Variants in CNTNAP2 observed in about 807,000 individuals in gnomAD.
The protein encoded by CNTNAP2 is contactin associated protein 2.
In CNTNAP2, 98 loss-of-function variants were observed where a neutral mutation model predicts 155.2. That is an observed-to-expected ratio of 0.63 (90% CI 0.54 to 0.75). The LOEUF (loss-of-function observed/expected upper bound fraction) is 0.75. Among genes scored for constraint, CNTNAP2 ranks in the 30% least tolerant of loss-of-function variants. CNTNAP2 has a pLI of 0.00. For synonymous variants in CNTNAP2, 651 were observed against 631.2 expected (o/e 1.03, Z -0.47); for missense variants, 1,727 against 1,688.1 (o/e 1.02, Z -0.40).
chr7:148,343,994 A>G (rs1798278192), intron 21 of CNTNAP2, among the ~76,000 whole-genome samples: 1 of 152,218 alleles, frequency 6.6e-6, no homozygotes, highest in East Asian at 1.9e-4. Flanking sequence ...GAGGGCTCCC[A>G]TGACTGGGCT....
intron 10 of CNTNAP2, among the ~76,000 whole-genome samples, chr7:147,404,364 C>A (rs946546692): frequency 2.6e-5 from 4 of 152,142 alleles, no homozygotes; most frequent in Non-Finnish European, 4.4e-5. Flanking sequence ...AAAGCTCTTG[C>A]GTCCTAAAAC....
chr7:146,709,873 G>A (rs1237664918), intron 1 of CNTNAP2, among the ~76,000 whole-genome samples: 1 of 152,188 alleles, frequency 6.6e-6, no homozygotes, highest in Admixed American at 6.6e-5. Context: ...CAGAGTCCAA[G>A]AACTAACATC....
At chr7:148,082,884 G>A (rs1554470483) in intron 15 of CNTNAP2, among the ~76,000 whole-genome samples, 1 of 151,928 alleles carries the variant, frequency 6.6e-6, no homozygotes, top group Non-Finnish European at 1.5e-5. Flanking sequence ...TCACCATGTT[G>A]GCCAGGCTGG....
intron 4 of CNTNAP2, among the ~76,000 whole-genome samples, chr7:147,094,676 G>GATT (rs915021060): frequency 6.6e-6 from 1 of 152,028 alleles, no homozygotes; most frequent in Non-Finnish European, 1.5e-5. Flanking sequence ...AAAGTGCTGG[G>GATT]ATTATTATTA....
At chr7:148,024,313 G>T (rs1435600702) in intron 15 of CNTNAP2, among the ~76,000 whole-genome samples, 1 of 152,024 alleles carries the variant, frequency 6.6e-6, no homozygotes, top group Non-Finnish European at 1.5e-5. Flanking sequence ...CTCCATACCC[G>T]CTAGGCATGT....
At chr7:148,196,029 C>CA (rs1229845792) in intron 18 of CNTNAP2, among the ~76,000 whole-genome samples, 1 of 152,202 alleles carries the variant, frequency 6.6e-6, no homozygotes, top group Non-Finnish European at 1.5e-5. Context: ...CAAATCTAAT[C>CA]AGTTTGGTTT....
chr7:146,258,975 A>G lies in CNTNAP2; in HGVS notation c.97+142002A>G, dbSNP rs370043342. 3.6e-4 allele frequency among the ~76,000 whole-genome samples: 55 copies of G among 152,210 alleles called. No individual in the cohort carries two copies. In the East Asian group the frequency reaches 6.8e-3, roughly 19 times the overall value. ...TTGTAATCGCGAAGTGTTGAGGGAGAGACCTGGTGGGAGGTTATTGGATCT... is the reference window on the plus strand; with the variant it reads ...TTGTAATCGCGAAGTGTTGAGGGAGGGACCTGGTGGGAGGTTATTGGATCT... On this transcript the variant is annotated intron_variant, in intron 1 of 23. Transcript: ENST00000361727.
intron 8 of CNTNAP2, among the ~76,000 whole-genome samples, chr7:147,177,028 TATATA>T (rs1802363270): frequency 7.0e-6 from 1 of 143,760 alleles, no homozygotes; most frequent in African/African-American, 2.5e-5. Context: ...TATATAGAAT[TATATA>T]ATATATAATA....
intron 8 of CNTNAP2, among the ~76,000 whole-genome samples, chr7:147,270,431 A>C (rs1424529841): frequency 6.6e-6 from 1 of 152,222 alleles, no homozygotes; most frequent in Non-Finnish European, 1.5e-5. Context: ...TAGATACGAA[A>C]ATTAAGTCGC....
intron 1 of CNTNAP2, among the ~76,000 whole-genome samples, chr7:146,666,301 A>G (rs1265155629): frequency 1.3e-5 from 2 of 152,148 alleles, no homozygotes; most frequent in South Asian, 2.1e-4. Flanking sequence ...TATTAGTTCT[A>G]TATACGTTGC....
At chr7:147,416,416 G>T (rs1395935314) in intron 10 of CNTNAP2, among the ~76,000 whole-genome samples, 12 of 152,138 alleles carry the variant, frequency 7.9e-5, no homozygotes, top group Non-Finnish European at 1.5e-5. Context: ...AGCCAATAAA[G>T]TTCCTTTTTT....
chr7:146,666,852 G>C (rs1056458857), intron 1 of CNTNAP2, among the ~76,000 whole-genome samples: 1 of 152,034 alleles, frequency 6.6e-6, no homozygotes, highest in African/African-American at 2.4e-5. Context: ...TTGCTGTTTA[G>C]ATGTTTGAGT....
At chr7:147,562,803 T>G (rs1374348323) in intron 12 of CNTNAP2, among the ~76,000 whole-genome samples, 1 of 152,202 alleles carries the variant, frequency 6.6e-6, no homozygotes, top group African/African-American at 2.4e-5. Flanking sequence ...GAAATGAGAT[T>G]ATGGGTTCTT....
At chr7:147,906,483 T>G (rs756807946) in intron 14 of CNTNAP2, among the ~76,000 whole-genome samples, 1 of 150,894 alleles carries the variant, frequency 6.6e-6, no homozygotes, top group Non-Finnish European at 1.5e-5. Context: ...AGATCTTTAT[T>G]TTTTTTATTT....
intron 3 of CNTNAP2, among the ~76,000 whole-genome samples, chr7:146,913,217 T>C (rs898583818): frequency 6.6e-6 from 1 of 152,144 alleles, no homozygotes; most frequent in African/African-American, 2.4e-5. Flanking sequence ...CCCTAGGTAC[T>C]AGTAGTTGGC....
At chr7:146,928,061 C>A (rs764903519) in intron 3 of CNTNAP2, among the ~76,000 whole-genome samples, 1 of 151,638 alleles carries the variant, frequency 6.6e-6, no homozygotes, top group Non-Finnish European at 1.5e-5. Context: ...TACCTGCATT[C>A]TTCACTGCCT....
intron 3 of CNTNAP2, among the ~76,000 whole-genome samples, chr7:146,936,702 C>T (rs1247595141): frequency 6.6e-6 from 1 of 152,162 alleles, no homozygotes; most frequent in Non-Finnish European, 1.5e-5. Flanking sequence ...TGGCAAATCC[C>T]AGCAGCCATA....
chr7:147,184,306 G>A (rs1359586426), intron 8 of CNTNAP2, among the ~76,000 whole-genome samples: 1 of 152,132 alleles, frequency 6.6e-6, no homozygotes, highest in Non-Finnish European at 1.5e-5. Flanking sequence ...GTTTTCCAAT[G>A]CCTGAGGTCT....
At chr7:148,242,936 G>C (rs747410869) in intron 20 of CNTNAP2, among the ~76,000 whole-genome samples, 3 of 152,112 alleles carry the variant, frequency 2.0e-5, no homozygotes, top group Non-Finnish European at 2.9e-5. Context: ...TTATATCTTT[G>C]AGCTGAGGAA....
Sources: gnomAD v4.1 joint callset for allele counts (sites outside exome capture counted in the v4.1 genomes callset) on GRCh38, gnomAD v4.1.1 for gene constraint, MANE v1.5 for transcripts, NCBI Gene and HGNC (gene_info 2026-07-23, HGNC 2026-07-21) for gene names.